The following SENP7 variants were observed in gnomAD, a reference collection of about 807,000 sequenced individuals.
The protein encoded by SENP7 is SUMO specific peptidase 7.
A neutral mutation model predicts 141.2 loss-of-function variants in SENP7; 64 were observed. The observed-to-expected ratio is 0.45, with a 90% confidence interval of 0.37 to 0.56. The LOEUF (loss-of-function observed/expected upper bound fraction) is 0.56, where lower values mean the gene tolerates loss of function less well. Ranked by LOEUF, SENP7 falls within the 20% of genes least tolerant of loss-of-function variation. SENP7 has a pLI of 0.00. For missense variants in SENP7, 1,025 were observed against 1,212.2 expected (o/e 0.85, Z 2.29); for synonymous variants, 382 against 426.4 (o/e 0.90, Z 1.28).
At chr3:101,400,946 G>A (rs2061120265) in intron 5 of SENP7, among the ~76,000 whole-genome samples, 2 of 151,908 alleles carry the variant, frequency 1.3e-5, no homozygotes, top group East Asian at 1.9e-4. Flanking sequence ...CATAATTAAC[G>A]AGCCATCCAG....
chr3:101,433,249 A>G (rs1434215891), intron 4 of SENP7, among the ~76,000 whole-genome samples: 2 of 152,080 alleles, frequency 1.3e-5, no homozygotes, highest in African/African-American at 4.8e-5. Context: ...CAAACCAAAA[A>G]ACATACAATG....
At chr3:101,389,971 G>C (rs2060764937) in intron 6 of SENP7, among the ~76,000 whole-genome samples, 1 of 152,078 alleles carries the variant, frequency 6.6e-6, no homozygotes, top group South Asian at 2.1e-4. Flanking sequence ...TGTAATCCCA[G>C]CACTTTGGGA....
At chr3:101,492,147 C>T (rs1170607304) in intron 3 of SENP7, among the ~76,000 whole-genome samples, 2 of 151,972 alleles carry the variant, frequency 1.3e-5, no homozygotes, top group Non-Finnish European at 2.9e-5. Flanking sequence ...CCTGTAAACC[C>T]AGCGCTTCAG....
intron 21 of SENP7, 47 bp from the exon 22 acceptor site, chr3:101,328,593 A>G: frequency 2.5e-6 from 4 of 1,601,228 alleles, no homozygotes; most frequent in Non-Finnish European, 3.4e-6. Context: ...CTTGTATACA[A>G]AGTATATCTA....
Position 101,351,669 on chromosome 3 carries a change from A to C in SENP7, c.1624-18T>G. 1 of 1,342,696 alleles carries C rather than the reference A, an allele frequency of 7.4e-7. No individual in the cohort carries two copies. The highest frequency in any genetic ancestry group is 2.8e-5 in the East Asian group (1 of 35,614). 83.2% of individuals were successfully genotyped at this position (1,342,696 alleles called of 1,614,324 possible). On this transcript the variant is annotated intron_variant, in intron 11 of 23. Coordinates refer to ENST00000394095, the MANE Select transcript of SENP7 (RefSeq NM_020654.5). ...TTTGTGATCTGAAGAAAAAATTAAA[A>C]AGCAAACAATGAGTTACCACTCAAA...
At chr3:101,344,972 T>C (rs2059418248) in intron 13 of SENP7, among the ~76,000 whole-genome samples, 1 of 100,754 alleles carries the variant, frequency 9.9e-6, no homozygotes, top group Non-Finnish European at 1.8e-5. Flanking sequence ...CGAGAGCCCA[T>C]CTCTAGAAAA....
At chr3:101,466,685 T>C (rs1245715619) in intron 3 of SENP7, among the ~76,000 whole-genome samples, 1 of 152,136 alleles carries the variant, frequency 6.6e-6, no homozygotes, top group Non-Finnish European at 1.5e-5. Flanking sequence ...AGTCACATGT[T>C]ATCACTACAA....
rs117084629 is a variant in SENP7, at chr3:101,461,196, G to A, written c.187-2144C>T. On this transcript the variant is annotated intron_variant, in intron 3 of 23. Transcript: ENST00000394095. ...AGAAACTGGAGAATGTCAAAATAAT[G>A]GAAAGATAACTCCACGGTCATGGTT... 1.1e-4 allele frequency among the ~76,000 whole-genome samples: 17 copies of A among 152,026 alleles called. No homozygotes were observed. In the East Asian group the frequency reaches 2.9e-3, roughly 26 times the overall value.
chr3:101,333,744 G>A (rs1053784412), intron 17 of SENP7, among the ~76,000 whole-genome samples: 1 of 152,074 alleles, frequency 6.6e-6, no homozygotes, highest in Non-Finnish European at 1.5e-5. Flanking sequence ...AATAATGAAA[G>A]TCACCTACAC....
At chr3:101,415,460 G>GAT (rs1342178443) in intron 5 of SENP7, among the ~76,000 whole-genome samples, 5 of 150,386 alleles carry the variant, frequency 3.3e-5, no homozygotes, top group Non-Finnish European at 6.0e-5. Context: ...TTTTGATTGT[G>GAT]ATATATACTA....
intron 2 of SENP7, among the ~76,000 whole-genome samples, chr3:101,497,649 A>G (rs1247069723): frequency 2.6e-5 from 4 of 152,150 alleles, no homozygotes; most frequent in African/African-American, 9.6e-5. Context: ...TAAATATTCT[A>G]TGAGTCCATA....
chr3:101,501,202 T>C (rs890836977), intron 1 of SENP7, 83 bp from the exon 2 acceptor site: 2 of 904,212 alleles, frequency 2.2e-6, no homozygotes, highest in Non-Finnish European at 3.5e-6. Flanking sequence ...TTCTTTCACA[T>C]TCATCCTTTG....
At chr3:101,347,532 C>G (rs1269751332) in intron 13 of SENP7, 1 of 154,820 alleles carries the variant, frequency 6.5e-6, no homozygotes, top group Admixed American at 6.5e-5. Context: ...ACCATCCTGG[C>G]TAACACGATG....
chr3:101,374,864 C>T (rs2060276526), intron 6 of SENP7, among the ~76,000 whole-genome samples: 1 of 151,308 alleles, frequency 6.6e-6, no homozygotes, highest in African/African-American at 2.4e-5. Context: ...CTCCCACCCA[C>T]ATATATATTA....
chr3:101,455,268 T>G (rs769333199), intron 4 of SENP7, among the ~76,000 whole-genome samples: 1 of 152,164 alleles, frequency 6.6e-6, no homozygotes, highest in Non-Finnish European at 1.5e-5. Context: ...AGAGATGCAT[T>G]AACAACATTC....
chr3:101,457,731 C>G (rs2063403024), intron 4 of SENP7: 1 of 926,618 alleles, frequency 1.1e-6, no homozygotes, highest in Non-Finnish European at 1.7e-6. Context: ...TTCTTTCATC[C>G]TATCAGAGCA....
At chr3:101,331,457 A>C (rs1438730083) in intron 19 of SENP7, among the ~76,000 whole-genome samples, 2 of 135,734 alleles carry the variant, frequency 1.5e-5, no homozygotes, top group African/African-American at 5.5e-5. Context: ...CACTACACCA[A>C]GACAACGTCT....
chr3:101,438,646 A>C (rs1576349081), intron 4 of SENP7, among the ~76,000 whole-genome samples: 1 of 152,346 alleles, frequency 6.6e-6, no homozygotes, highest in East Asian at 1.9e-4. Context: ...CCAAAAGCAT[A>C]CAAATTTATA....
chr3:101,357,465 G>A lies in SENP7; in HGVS notation c.1623+4250C>T, dbSNP rs148610811. 4 of 1,223,256 alleles carry A rather than the reference G, an allele frequency of 3.3e-6. No individual in the cohort carries two copies. The East Asian group carries it at 7.2e-5, about 22-fold the overall frequency. 75.8% of individuals were successfully genotyped at this position (1,223,256 alleles called of 1,614,324 possible). On this transcript the variant is annotated intron_variant, in intron 11 of 23. Coordinates refer to ENST00000394095, the MANE Select transcript of SENP7 (RefSeq NM_020654.5). ...ACGAAGAGACATAAGATGATTGCCA[G>A]ACCCCCAGTTATATGTTCTCATTTT... is the stretch of plus-strand genomic sequence containing the variant.
Sources: allele counts gnomAD v4.1 joint callset (sites outside exome capture counted in the v4.1 genomes callset), GRCh38; gene constraint gnomAD v4.1.1; transcripts MANE v1.5; gene names NCBI Gene and HGNC (gene_info 2026-07-23, HGNC 2026-07-21).